SUPT3H: variants seen among roughly 807,000 people sequenced by gnomAD.
SUPT3H encodes the protein transcription initiation protein SPT3 homolog.
A neutral mutation model predicts 44.3 loss-of-function variants in SUPT3H; 44 were observed. The ratio of observed to expected loss-of-function variants is 0.99; its 90% CI spans 0.78 to 1.28. The LOEUF (loss-of-function observed/expected upper bound fraction) is 1.28, where lower values mean the gene tolerates loss of function less well. Among genes scored for constraint, SUPT3H ranks in the 50% most tolerant of loss-of-function variants. The pLI is 0.00. For missense variants in SUPT3H, 380 were observed against 387.1 expected, an observed-to-expected ratio of 0.98 and a Z score of 0.15; for synonymous variants, 124 against 125.6, an observed-to-expected ratio of 0.99 and a Z score of 0.09.
intron 10 of SUPT3H, among the ~76,000 whole-genome samples, chr6:44,904,358 A>T (rs1326083251): frequency 6.6e-6 from 1 of 152,222 alleles, no homozygotes; most frequent in Non-Finnish European, 1.5e-5. Flanking sequence ...AATCACAAGC[A>T]TTCTTATACA....
chr6:44,939,843 T>C (rs1250176866), intron 9 of SUPT3H, among the ~76,000 whole-genome samples: 1 of 152,038 alleles, frequency 6.6e-6, no homozygotes, highest in Non-Finnish European at 1.5e-5. Context: ...TGTGAGTGTA[T>C]AGTTGCTCAT....
At chr6:45,371,192 C>G (rs1366641305) in intron 1 of SUPT3H, among the ~76,000 whole-genome samples, 1 of 152,176 alleles carries the variant, frequency 6.6e-6, no homozygotes, top group Non-Finnish European at 1.5e-5. Context: ...AATCAAAACT[C>G]TCTTCCAGTC....
At chr6:44,989,671 T>G (rs1780332745) in intron 6 of SUPT3H, among the ~76,000 whole-genome samples, 1 of 152,154 alleles carries the variant, frequency 6.6e-6, no homozygotes, top group Non-Finnish European at 1.5e-5. Context: ...TTACCTCTTG[T>G]CTTTTTAATA....
intron 2 of SUPT3H, among the ~76,000 whole-genome samples, chr6:45,290,107 G>A (rs1167472196): frequency 6.6e-6 from 1 of 151,920 alleles, no homozygotes; most frequent in Non-Finnish European, 1.5e-5. Context: ...TTAAGTCCAG[G>A]AGTTCAAGAC....
At chr6:45,170,407 C>CTTT (rs1317144457) in intron 2 of SUPT3H, among the ~76,000 whole-genome samples, 5 of 152,240 alleles carry the variant, frequency 3.3e-5, no homozygotes, top group Non-Finnish European at 4.4e-5. Flanking sequence ...AGAGCATATC[C>CTTT]CCACACTCCT....
chr6:45,202,732 C>T (rs1396241173), intron 2 of SUPT3H, among the ~76,000 whole-genome samples: 1 of 151,970 alleles, frequency 6.6e-6, no homozygotes. Flanking sequence ...AAATGTTTAT[C>T]AATATTATAA....
At chr6:45,310,990 C>G (rs1254090951) in intron 2 of SUPT3H, among the ~76,000 whole-genome samples, 1 of 152,096 alleles carries the variant, frequency 6.6e-6, no homozygotes, top group Non-Finnish European at 1.5e-5. Flanking sequence ...CAGGGAGGGA[C>G]CAGAGAAAGG....
intron 10 of SUPT3H, among the ~76,000 whole-genome samples, chr6:44,849,455 C>T (rs1581975985): frequency 6.6e-6 from 1 of 151,752 alleles, no homozygotes. Context: ...TCTCGATCTC[C>T]TGACCTCGTG....
chr6:45,284,942 A>G (rs538057597), intron 2 of SUPT3H, among the ~76,000 whole-genome samples: 2 of 152,216 alleles, frequency 1.3e-5, no homozygotes, highest in African/African-American at 4.8e-5. Flanking sequence ...TTCAACATAC[A>G]CAAATCAATA....
chr6:45,308,845 T>C (rs1332220257), intron 2 of SUPT3H, among the ~76,000 whole-genome samples: 4 of 152,176 alleles, frequency 2.6e-5, no homozygotes, highest in East Asian at 3.9e-4. Context: ...ATTTTTGTTT[T>C]TCCTGAGCTA....
intron 2 of SUPT3H, among the ~76,000 whole-genome samples, chr6:45,211,728 A>G (rs1764111646): frequency 1.3e-5 from 2 of 152,144 alleles, no homozygotes; most frequent in South Asian, 4.1e-4. Flanking sequence ...ATGTGCCTGT[A>G]ATCCCAGCTA....
intron 2 of SUPT3H, among the ~76,000 whole-genome samples, chr6:45,324,265 G>C (rs1785999422): frequency 6.6e-6 from 1 of 151,962 alleles, no homozygotes; most frequent in Admixed American, 6.6e-5. Flanking sequence ...CATAATTAAA[G>C]TGTTAATACT....
At chr6:45,069,233 C>T (rs1013084212) in intron 3 of SUPT3H, among the ~76,000 whole-genome samples, 3 of 151,930 alleles carry the variant, frequency 2.0e-5, no homozygotes, top group Non-Finnish European at 4.4e-5. Context: ...CAGTATAAAC[C>T]AATTGTATTA....
At chr6:45,066,364 G>A (rs1793314082) in intron 3 of SUPT3H, among the ~76,000 whole-genome samples, 1 of 138,950 alleles carries the variant, frequency 7.2e-6, no homozygotes, top group South Asian at 2.5e-4. Context: ...CATACTGAAT[G>A]GGCAAAAACT....
chr6:45,283,008 T>A (rs1203727496), intron 2 of SUPT3H, among the ~76,000 whole-genome samples: 11 of 151,952 alleles, frequency 7.2e-5, no homozygotes, highest in Admixed American at 7.2e-4. Flanking sequence ...GAAGGAGAAA[T>A]AAAATACTTT....
intron 9 of SUPT3H, among the ~76,000 whole-genome samples, chr6:44,938,205 C>T (rs1771810419): frequency 6.6e-6 from 1 of 151,542 alleles, no homozygotes; most frequent in Non-Finnish European, 1.5e-5. Context: ...TTTATAGTTT[C>T]AGGTCTTATC....
rs986760147 is a variant in SUPT3H, at chr6:45,334,865, T to A, written c.101+30336A>T. On this transcript the variant is annotated intron_variant, in intron 2 of 10. Coordinates refer to ENST00000371459, the MANE Select transcript of SUPT3H (RefSeq NM_003599.4). ...AACAAATGTCAATCTATAAAACCAG[T>A]AACAGGGATTAGGCATCTACTAGGA... Among the ~76,000 whole-genome samples, 12 of 151,234 alleles carry A rather than the reference T, an allele frequency of 7.9e-5. No homozygotes were observed. The East Asian group carries it at 2.3e-3, about 29-fold the overall frequency.
chr6:45,322,546 A>C (rs1785668930), intron 2 of SUPT3H, among the ~76,000 whole-genome samples: 1 of 152,078 alleles, frequency 6.6e-6, no homozygotes, highest in Non-Finnish European at 1.5e-5. Flanking sequence ...CAAAAAGATC[A>C]GTATTCTAGC....
Position 44,887,329 on chromosome 6 carries a change from C to A in SUPT3H, c.912+45324G>T, listed in dbSNP as rs373579146. ...ACAGAATATACATTTTTTTCAGCACCACACCACACCTACTCCAAAATTGAC... is the reference window on the plus strand; with the variant it reads ...ACAGAATATACATTTTTTTCAGCACAACACCACACCTACTCCAAAATTGAC... On this transcript the variant is annotated intron_variant, in intron 10 of 10. Transcript: ENST00000371459. 8.5e-5 allele frequency among the ~76,000 whole-genome samples: 13 copies of A among 152,184 alleles called. No individual in the cohort carries two copies. The East Asian group carries it at 1.4e-3, about 16-fold the overall frequency.
Sources: allele counts gnomAD v4.1 joint callset (sites outside exome capture counted in the v4.1 genomes callset), GRCh38; gene constraint gnomAD v4.1.1; transcripts MANE v1.5; gene names NCBI Gene and HGNC (gene_info 2026-07-23, HGNC 2026-07-21).